Variants in CEP43 observed in about 807,000 individuals in gnomAD.
CEP43 encodes centrosomal protein 43, also known as FGFR1 oncogene partner.
Under a neutral mutation model 52.6 loss-of-function variants are expected in CEP43, and 36 were observed. The ratio of observed to expected loss-of-function variants is 0.68; its 90% CI spans 0.52 to 0.90. CEP43 has a LOEUF of 0.90. Among genes scored for constraint, CEP43 ranks in the 40% least tolerant of loss-of-function variants. The pLI is 0.00. For missense variants in CEP43, 506 were observed against 472.8 expected (o/e 1.07, Z -0.65); for synonymous variants, 192 against 172.4 (o/e 1.11, Z -0.89).
intron 5 of CEP43, among the ~76,000 whole-genome samples, chr6:167,010,482 A>C (rs528672489): frequency 6.6e-6 from 1 of 152,354 alleles, no homozygotes; most frequent in African/African-American, 2.4e-5. Context: ...AGAGAATTAC[A>C]GGATATTATT....
At position 167,041,547 on chromosome 6, in the gene CEP43, A is replaced by C; in HGVS notation, c.*1569A>C. 9.5e-7 allele frequency: 1 copy of C among 1,051,220 alleles called. No homozygotes were observed. Among genetic ancestry groups the C allele is most frequent in the Non-Finnish European group, 1.1e-6 (1 of 870,388 alleles). The allele number at this position is 1,051,220 out of a possible 1,614,324, so 65.1% of individuals were successfully genotyped here. A position where few individuals can be genotyped will look rare whatever the true frequency, so the allele number is the denominator to read the frequency against. On this transcript the variant is annotated 3_prime_UTR_variant, in exon 13 of 13. Coordinates refer to ENST00000366847, the MANE Select transcript of CEP43 (RefSeq NM_007045.4). ...GCATTTCTTTGTAAGTCATCTCTGT[A>C]AACAGTCACTTTCTAAAAGCACTAT...
chr6:167,004,486 T>G (rs1474308719), intron 5 of CEP43, 85 bp downstream of exon 5: 65 of 1,168,742 alleles, frequency 5.6e-5, no homozygotes, highest in Non-Finnish European at 7.0e-5. Context: ...ATATAGTAAA[T>G]TAAGGTTTTC....
chr6:167,010,014 A>G (rs906590045), intron 5 of CEP43, among the ~76,000 whole-genome samples: 1 of 152,216 alleles, frequency 6.6e-6, no homozygotes, highest in Non-Finnish European at 1.5e-5. Flanking sequence ...AATATCACCA[A>G]CAGAAATAGT....
chr6:167,036,067 C>G, intron 12 of CEP43: 1 of 985,156 alleles, frequency 1.0e-6, no homozygotes, highest in Non-Finnish European at 1.2e-6. Flanking sequence ...CTTCTTCCCT[C>G]AAATTTATGC....
chr6:167,010,895 TGA>T lies in CEP43; in HGVS notation c.519+4_519+5del, dbSNP rs1321198102. The T allele has an allele frequency of 3.8e-6, 6 of 1,579,400 alleles. No individual in the cohort carries two copies. Among genetic ancestry groups the T allele is most frequent in the Non-Finnish European group, 3.4e-6 (4 of 1,160,920 alleles). ...AGTGCACAGACAACACCAAGTAAGG[TGA>T]GTTAGCTGTGGAACACGGAAGTCAT... On this transcript the variant is annotated splice_donor_region_variant and intron_variant, in intron 6 of 12. Coordinates refer to ENST00000366847, the MANE Select transcript of CEP43 (RefSeq NM_007045.4).
intron 12 of CEP43, among the ~76,000 whole-genome samples, chr6:167,037,220 G>A (rs2128668361): frequency 6.6e-6 from 1 of 152,276 alleles, no homozygotes; most frequent in East Asian, 1.9e-4. Context: ...GGTTATTATT[G>A]TGGTCTTTTC....
intron 6 of CEP43, 30 bp from the exon 7 acceptor site, chr6:167,013,478 G>A: frequency 1.3e-6 from 2 of 1,560,042 alleles, no homozygotes; most frequent in Non-Finnish European, 8.8e-7. Flanking sequence ...TCTATTTTGT[G>A]GTAAAATCTC....
intron 7 of CEP43, among the ~76,000 whole-genome samples, chr6:167,015,676 C>T (rs6923345): frequency 1.3e-5 from 2 of 152,094 alleles, no homozygotes; most frequent in South Asian, 2.1e-4. Context: ...CGGTTGCTTT[C>T]GAATGCAGGA....
rs1435964593 is a variant in CEP43 at position 167,041,876 on chromosome 6, T to C, written c.*1898T>C. On this transcript the variant is annotated 3_prime_UTR_variant, in exon 13 of 13. Coordinates refer to ENST00000366847, the MANE Select transcript of CEP43 (RefSeq NM_007045.4). ...TCTCACTGTGTCACTCAGACTGGAG[T>C]ACAGTGATGCGATCTCGGCTCACTG... is the stretch of plus-strand genomic sequence containing the variant. 1.9e-5 allele frequency: 16 copies of C among 851,458 alleles called. No homozygotes were observed. Among genetic ancestry groups the C allele is most frequent in the South Asian group, 5.5e-5 (1 of 18,274 alleles). The allele number at this position is 851,458 out of a possible 1,614,324, so 52.7% of individuals were successfully genotyped here.
intron 7 of CEP43, among the ~76,000 whole-genome samples, chr6:167,014,866 TTAAG>T (rs1233702807): frequency 3.3e-5 from 5 of 152,234 alleles, no homozygotes; most frequent in African/African-American, 1.2e-4. Context: ...GAGACATACC[TTAAG>T]TAAGATATAA....
At position 167,049,845 on chromosome 6, in the gene CEP43, C is replaced by T. The variant is rs1264294788; in HGVS notation, c.*9867C>T. 6 of 152,208 alleles carry T rather than the reference C, an allele frequency of 3.9e-5. No individual in the cohort carries two copies. Among genetic ancestry groups the T allele is most frequent in the Admixed American group, 2.6e-4 (4 of 15,284 alleles). The allele number at this position is 152,208 out of a possible 1,614,324, so 9.4% of individuals were successfully genotyped here. A position where few individuals can be genotyped will look rare whatever the true frequency, so the allele number is the denominator to read the frequency against. On this transcript the variant is annotated 3_prime_UTR_variant, in exon 13 of 13. Transcript: ENST00000366847. ...TCCCTACCAGCAATGCATGAAGCTT[C>T]CAGTTTCTCCACATCATCACGAATA...
rs1408789861 is a variant in CEP43 at position 167,047,111 on chromosome 6, T to C, written c.*7133T>C. ...TGCTCTGCATGGGGATGTAAAGGTG[T>C]GAGCAAACCTTCTTCAGAGAGGGGA... On this transcript the variant is annotated 3_prime_UTR_variant, in exon 13 of 13. Transcript: ENST00000366847. 1 of 152,256 alleles carries C rather than the reference T, an allele frequency of 6.6e-6. No individual in the cohort carries two copies. Among genetic ancestry groups the C allele is most frequent in the Non-Finnish European group, 1.5e-5 (1 of 68,108 alleles). The allele number at this position is 152,256 out of a possible 1,614,324, so 9.4% of individuals were successfully genotyped here. A position where few individuals can be genotyped will look rare whatever the true frequency, so the allele number is the denominator to read the frequency against.
Position 167,044,434 on chromosome 6 carries a change from G to A in CEP43, c.*4456G>A, listed in dbSNP as rs73035055. 0.016 allele frequency: 15,645 copies of A among 985,260 alleles called. 178 individuals carry two copies. Among genetic ancestry groups the A allele is most frequent in the East Asian group, 0.089 (788 of 8,806 alleles). The allele number at this position is 985,260 out of a possible 1,614,324, so 61.0% of individuals were successfully genotyped here. ...AAGACCAAGATGACAAGATGCGCCA[G>A]GAGACTTGGCCAGAGGACCTCCAGG... On this transcript the variant is annotated 3_prime_UTR_variant, in exon 13 of 13. Coordinates refer to ENST00000366847, the MANE Select transcript of CEP43 (RefSeq NM_007045.4).
rs754897235 is a variant in CEP43 at position 167,024,830 on chromosome 6, T to C, written c.855T>C (p.Asp285=). ...CAGGAAGTCTGGCCTCGCTCTCGGA[T>C]GCACCCCCCTTAAAAAGTGGACTCA... ...KQAGSLASLS[D]APPLKSGLSS... is the part of the protein sequence containing the mutation. The change falls in exon 9 of 13, where the codon GAT becomes GAC. Residue 285 remains aspartate (D), a synonymous_variant. Transcript: ENST00000366847. 2.5e-6 allele frequency: 4 copies of C among 1,613,240 alleles called. No homozygotes were observed. Among genetic ancestry groups the C allele is most frequent in the Non-Finnish European group, 3.4e-6 (4 of 1,179,498 alleles).
In CEP43 at chr6:166,999,461, C is replaced by G. The variant is rs377203926; in HGVS notation, c.49C>G (p.Arg17Gly). The G allele has an allele frequency of 6.7e-7, 1 of 1,484,278 alleles. No homozygotes were observed. Among genetic ancestry groups the G allele is most frequent in the Non-Finnish European group, 9.0e-7 (1 of 1,115,196 alleles). 91.9% of individuals were successfully genotyped at this position (1,484,278 alleles called of 1,614,324 possible). A position where few individuals can be genotyped will look rare whatever the true frequency, so the allele number is the denominator to read the frequency against. Residue 17 changes from arginine to glycine, a missense_variant, in exon 1 of 13, where the codon CGG becomes GGG. Coordinates refer to ENST00000366847, the MANE Select transcript of CEP43 (RefSeq NM_007045.4). Reference protein sequence around the residue: ...AVVAEEDTELRDLLVQTLENS... With the variant: ...AVVAEEDTELGDLLVQTLENS... ...GGTGGCCGAGGAGGACACGGAGCTG[C>G]GGGACCTGCTGGTGCAGACGCTGGA...
At chr6:167,020,703 G>A (rs2128663412) in intron 7 of CEP43, among the ~76,000 whole-genome samples, 1 of 152,244 alleles carries the variant, frequency 6.6e-6, no homozygotes, top group Non-Finnish European at 1.5e-5. Context: ...GAGGTCAGAA[G>A]TTCGAGACCA....
At chr6:167,009,151 G>A (rs1779921728) in intron 5 of CEP43, among the ~76,000 whole-genome samples, 1 of 151,564 alleles carries the variant, frequency 6.6e-6, no homozygotes, top group African/African-American at 2.4e-5. Context: ...CAGCGCTTTG[G>A]GAGGCCAAGG....
rs1251631881 is a variant in CEP43 at position 167,047,265 on chromosome 6, A to T, written c.*7287A>T. On this transcript the variant is annotated 3_prime_UTR_variant, in exon 13 of 13. Transcript: ENST00000366847. ...CCACCCTAGACAGGAGGGGTCCCCT[A>T]CTGACAGGGAGGTGCTGTCGGGGCA... The T allele has an allele frequency of 6.6e-6, 1 of 152,278 alleles. No individual in the cohort carries two copies. Among genetic ancestry groups the T allele is most frequent in the Non-Finnish European group, 1.5e-5 (1 of 68,096 alleles). 9.4% of individuals were successfully genotyped at this position (152,278 alleles called of 1,614,324 possible).
At chr6:167,026,819 C>A (rs1307317827) in intron 10 of CEP43, among the ~76,000 whole-genome samples, 1 of 152,196 alleles carries the variant, frequency 6.6e-6, no homozygotes, top group Non-Finnish European at 1.5e-5. Context: ...TTCTCGTGAA[C>A]CTCTGTCTTC....
Sources: allele counts gnomAD v4.1 joint callset (sites outside exome capture counted in the v4.1 genomes callset), GRCh38; gene constraint gnomAD v4.1.1; transcripts MANE v1.5; gene names NCBI Gene and HGNC (gene_info 2026-07-23, HGNC 2026-07-21).